Variants in NCOA2 observed in about 807,000 individuals in gnomAD.
NCOA2 encodes nuclear receptor coactivator 2.
NCOA2 carries 21 observed loss-of-function variants against 145.1 expected under a neutral mutation model. That is an observed-to-expected ratio of 0.14 (90% CI 0.10 to 0.21). The LOEUF (loss-of-function observed/expected upper bound fraction) is 0.21, where lower values mean the gene tolerates loss of function less well. NCOA2 is among the 10% of genes least tolerant of loss of function. The pLI, the probability that NCOA2 is intolerant of heterozygous loss-of-function variation, is 1.00. For synonymous variants in NCOA2, 619 were observed against 637.5 expected, an observed-to-expected ratio of 0.97 and a Z score of 0.44; for missense variants, 1,472 against 1,837.6, an observed-to-expected ratio of 0.80 and a Z score of 3.64.
At chr8:70,166,301 T>C (rs1206711375) in intron 7 of NCOA2, among the ~76,000 whole-genome samples, 1 of 152,220 alleles carries the variant, frequency 6.6e-6, no homozygotes, top group Admixed American at 6.5e-5. Flanking sequence ...GCTGCACTAC[T>C]GACATTTCAA....
chr8:70,328,088 T>C (rs1280844434), intron 1 of NCOA2, among the ~76,000 whole-genome samples: 7 of 152,258 alleles, frequency 4.6e-5, no homozygotes, highest in Admixed American at 3.3e-4. Flanking sequence ...AGCACTATTA[T>C]ACATTAGTTT....
chr8:70,452,978 G>T, the NCOA2 span, among the ~76,000 whole-genome samples: 9 of 152,104 alleles, frequency 5.9e-5, no homozygotes, highest in African/African-American at 2.2e-4. Flanking sequence ...GAAAGTGTTT[G>T]GTTTTGTATT....
intron 4 of NCOA2, among the ~76,000 whole-genome samples, chr8:70,181,873 G>A (rs528537924): frequency 3.3e-5 from 5 of 152,288 alleles, no homozygotes; most frequent in East Asian, 3.9e-4. Flanking sequence ...TGAGACCTAC[G>A]CAGAGCAAAG....
intron 4 of NCOA2, 127 bp downstream of exon 4, chr8:70,213,776 G>T: frequency 1.3e-6 from 1 of 790,750 alleles, no homozygotes; most frequent in Non-Finnish European, 2.0e-6. Flanking sequence ...ATCTTACACT[G>T]TGACATCATT....
Position 70,156,987 on chromosome 8 carries a change from C to A in NCOA2, c.1378G>T (p.Gly460Cys). ...VSGMQATTPQ[G>C]SNYALKMNSP... ...TTCATTTTGAGTGCATAGTTACTACCCTGAGGAGTGGTTGCTTGCATGCCT... is the reference window on the plus strand; with the variant it reads ...TTCATTTTGAGTGCATAGTTACTACACTGAGGAGTGGTTGCTTGCATGCCT... Residue 460 changes from glycine (G) to cysteine (C), a missense_variant, in exon 11 of 23, where the codon GGT becomes TGT. Coordinates refer to ENST00000452400, the MANE Select transcript of NCOA2 (RefSeq NM_006540.4). 1.2e-6 allele frequency: 2 copies of A among 1,614,016 alleles called. No homozygotes were observed. The highest frequency in any genetic ancestry group is 1.7e-6 in the Non-Finnish European group (2 of 1,179,898).
chr8:70,166,757 G>A lies in NCOA2; in HGVS notation c.542-3C>T. 2 of 1,611,776 alleles carry A rather than the reference G, an allele frequency of 1.2e-6. No homozygotes were observed. Among genetic ancestry groups the A allele is most frequent in the Non-Finnish European group, 1.7e-6 (2 of 1,178,490 alleles). ...GCCAGACCAAGATCCCCCATTTACTGAGCAAGGCAAAAGTAATCCAGTTTT... is the reference window on the plus strand; with the variant it reads ...GCCAGACCAAGATCCCCCATTTACTAAGCAAGGCAAAAGTAATCCAGTTTT... On this transcript the variant is annotated splice_polypyrimidine_tract_variant and splice_region_variant and intron_variant, in intron 6 of 22. Coordinates refer to ENST00000452400, the MANE Select transcript of NCOA2 (RefSeq NM_006540.4).
At chr8:70,343,373 C>CA (rs11453909) in intron 1 of NCOA2, among the ~76,000 whole-genome samples, 4,024 of 151,644 alleles carry the variant, frequency 0.027, 166 homozygotes, top group African/African-American at 0.092. Context: ...AAAGTTGATC[C>CA]AAAAAAATCA....
Position 70,121,410 on chromosome 8 carries a change from G to A in NCOA2, c.4294-19C>T, listed in dbSNP as rs1164372520. ...CATTAACCTAAGGACAAGAAGACAG[G>A]ACAGTGGCTACGCAGAGCAGAATGT... On this transcript the variant is annotated intron_variant, in intron 21 of 22. Transcript: ENST00000452400. 1.9e-6 allele frequency: 3 copies of A among 1,591,750 alleles called. No individual in the cohort carries two copies. The highest frequency in any genetic ancestry group is 2.6e-6 in the Non-Finnish European group (3 of 1,162,782).
rs139615552 is a variant in NCOA2 at position 70,364,488 on chromosome 8, C to T, written c.-77+39212G>A. On this transcript the variant is annotated intron_variant, in intron 1 of 22. Transcript: ENST00000452400. ...AACTGAAAACAGCAAGAAACAGCGT[C>T]GAGGAACCTTGCAGAACTAAATCAG... Among the ~76,000 whole-genome samples, 250 of 152,228 alleles carry T rather than the reference C, an allele frequency of 1.6e-3. 3 individuals carry two copies. Among genetic ancestry groups the T allele is most frequent in the South Asian group, 0.014 (67 of 4,816 alleles).
intron 4 of NCOA2, among the ~76,000 whole-genome samples, chr8:70,211,952 T>G (rs1202711738): frequency 6.6e-6 from 1 of 151,798 alleles, no homozygotes; most frequent in African/African-American, 2.4e-5. Flanking sequence ...AAAACTATGG[T>G]TAAGGTATGG....
At chr8:70,284,631 T>C (rs1826111237) in intron 2 of NCOA2, among the ~76,000 whole-genome samples, 1 of 152,176 alleles carries the variant, frequency 6.6e-6, no homozygotes, top group South Asian at 2.1e-4. Flanking sequence ...GCTAACTTAA[T>C]GAGCATCCAT....
At chr8:70,255,810 C>T (rs936947133) in intron 2 of NCOA2, among the ~76,000 whole-genome samples, 16 of 152,090 alleles carry the variant, frequency 1.1e-4, no homozygotes, top group African/African-American at 3.6e-4. Flanking sequence ...AGGTGAGAGT[C>T]GGGGGCAGAT....
At chr8:70,299,070 C>G (rs1182515146) in intron 1 of NCOA2, among the ~76,000 whole-genome samples, 1 of 151,748 alleles carries the variant, frequency 6.6e-6, no homozygotes. Context: ...AAAAAACAAA[C>G]AAACAAACAA....
chr8:70,421,625 A>G, the NCOA2 span, among the ~76,000 whole-genome samples: 1 of 148,850 alleles, frequency 6.7e-6, no homozygotes, highest in Non-Finnish European at 1.5e-5. Context: ...TAAAAACTAT[A>G]TGTGTCTGTG....
intron 12 of NCOA2, among the ~76,000 whole-genome samples, chr8:70,145,334 T>TCTTTTTTTC (rs1563519102): frequency 1.3e-5 from 2 of 151,616 alleles, no homozygotes; most frequent in Admixed American, 6.6e-5. Context: ...ATTTTTTCTT[T>TCTTTTTTTC]TTTTTTTTTG....
chr8:70,335,052 G>A (rs1807444613), intron 1 of NCOA2, among the ~76,000 whole-genome samples: 1 of 147,292 alleles, frequency 6.8e-6, no homozygotes, highest in African/African-American at 2.5e-5. Context: ...GAACCTGGGA[G>A]GTGGAGGTTG....
chr8:70,297,015 A>G (rs73684270), intron 1 of NCOA2, among the ~76,000 whole-genome samples: 4,027 of 152,290 alleles, frequency 0.026, 169 homozygotes, highest in African/African-American at 0.092. Context: ...AGGTAATGTA[A>G]AATATATAAG....
intron 16 of NCOA2, among the ~76,000 whole-genome samples, chr8:70,129,238 G>GA (rs1356806136): frequency 1.3e-5 from 2 of 152,104 alleles, no homozygotes; most frequent in Non-Finnish European, 2.9e-5. Context: ...AAGGGAAGGG[G>GA]AAAAATGGGT....
upstream of NCOA2, among the ~76,000 whole-genome samples, chr8:70,408,115 T>A (rs1372725810): frequency 6.6e-6 from 1 of 152,130 alleles, no homozygotes; most frequent in South Asian, 2.1e-4. Context: ...GTATTCTGAG[T>A]GAGATTGACA....
Sources: gnomAD v4.1 joint callset for allele counts (sites outside exome capture counted in the v4.1 genomes callset) on GRCh38, gnomAD v4.1.1 for gene constraint, MANE v1.5 for transcripts, NCBI Gene and HGNC (gene_info 2026-07-23, HGNC 2026-07-21) for gene names.